The following NLK variants were observed in gnomAD, a reference collection of about 807,000 sequenced individuals.
The protein encoded by NLK is serine/threonine-protein kinase NLK.
In NLK, 11 loss-of-function variants were observed where a neutral mutation model predicts 59.0. The observed-to-expected ratio is 0.19, with a 90% CI of 0.12 to 0.31. NLK has a LOEUF of 0.31. Ranked by LOEUF, NLK falls within the 10% of genes least tolerant of loss-of-function variation. The probability of loss-of-function intolerance (pLI) is 1.00; values close to 1 mark genes in which losing one functional copy is unlikely to be tolerated. For missense variants in NLK, 410 were observed against 661.1 expected (o/e 0.62, Z 4.16); for synonymous variants, 235 against 235.9 (o/e 1.00, Z 0.03).
At chr17:28,173,074 A>C (rs1285185099) in intron 7 of NLK, among the ~76,000 whole-genome samples, 4 of 152,234 alleles carry the variant, frequency 2.6e-5, no homozygotes, top group African/African-American at 9.6e-5. Context: ...GTTAGAAAAG[A>C]AGTATGAAGA....
At chr17:28,086,052 G>A (rs1910506917) in intron 1 of NLK, among the ~76,000 whole-genome samples, 1 of 152,150 alleles carries the variant, frequency 6.6e-6, no homozygotes, top group Non-Finnish European at 1.5e-5. Context: ...GACACATGAT[G>A]ACTGAAATTG....
At chr17:28,045,487 T>A (rs1440099015) in intron 1 of NLK, among the ~76,000 whole-genome samples, 1 of 152,354 alleles carries the variant, frequency 6.6e-6, no homozygotes, top group South Asian at 2.1e-4. Flanking sequence ...GCCGTCCTCC[T>A]GTGTTATCAC....
intron 1 of NLK, among the ~76,000 whole-genome samples, chr17:28,077,929 G>A (rs1044084279): frequency 1.6e-4 from 24 of 151,954 alleles, no homozygotes; most frequent in African/African-American, 5.6e-4. Context: ...AGAAAGTTCT[G>A]CTTCTTTCTC....
At chr17:28,157,580 G>A (rs935047591) in intron 3 of NLK, among the ~76,000 whole-genome samples, 12 of 151,896 alleles carry the variant, frequency 7.9e-5, no homozygotes, top group Admixed American at 7.2e-4. Context: ...ACCCTCCTGG[G>A]CCTCCCAAAG....
At chr17:28,109,683 A>G (rs1334615317) in intron 1 of NLK, among the ~76,000 whole-genome samples, 1 of 152,208 alleles carries the variant, frequency 6.6e-6, no homozygotes. Context: ...GTTAATAAAT[A>G]ATAGTTTGTT....
At chr17:28,173,705 C>G (rs1237906887) in intron 7 of NLK, among the ~76,000 whole-genome samples, 1 of 152,156 alleles carries the variant, frequency 6.6e-6, no homozygotes, top group Non-Finnish European at 1.5e-5. Flanking sequence ...CACAGTAAGT[C>G]TTAACCTAGA....
At chr17:28,107,252 GAT>G (rs1905216710) in intron 1 of NLK, among the ~76,000 whole-genome samples, 1 of 151,934 alleles carries the variant, frequency 6.6e-6, no homozygotes, top group Non-Finnish European at 1.5e-5. Context: ...TGGCCAACAT[GAT>G]GAGACCCCCG....
At chr17:28,093,098 G>A (rs1904566204) in intron 1 of NLK, among the ~76,000 whole-genome samples, 1 of 151,964 alleles carries the variant, frequency 6.6e-6, no homozygotes, top group African/African-American at 2.4e-5. Context: ...CGGCCTAGTG[G>A]CTTGTTTTTT....
intron 1 of NLK, among the ~76,000 whole-genome samples, chr17:28,109,355 G>C (rs568041245): frequency 6.6e-6 from 1 of 152,242 alleles, no homozygotes; most frequent in Non-Finnish European, 1.5e-5. Context: ...ATTCTATGGT[G>C]ATGATTTTTG....
At chr17:28,144,105 C>T (rs1007940427) in intron 3 of NLK, among the ~76,000 whole-genome samples, 3 of 151,978 alleles carry the variant, frequency 2.0e-5, no homozygotes, top group South Asian at 2.1e-4. Context: ...GAAAATTGAC[C>T]GCCATCTACA....
intron 7 of NLK, among the ~76,000 whole-genome samples, chr17:28,173,340 G>T (rs1908547498): frequency 6.6e-6 from 1 of 152,098 alleles, no homozygotes; most frequent in Non-Finnish European, 1.5e-5. Context: ...CTGAGTTTTG[G>T]TTTCTTTTGA....
intron 1 of NLK, among the ~76,000 whole-genome samples, chr17:28,057,538 A>G (rs1019625479): frequency 2.0e-5 from 3 of 152,356 alleles, no homozygotes. Flanking sequence ...GCAGTATAGA[A>G]ATATTCCATT....
intron 1 of NLK, among the ~76,000 whole-genome samples, chr17:28,099,336 T>C (rs1904818298): frequency 6.6e-6 from 1 of 152,062 alleles, no homozygotes; most frequent in African/African-American, 2.4e-5. Flanking sequence ...AGTTTTATTT[T>C]GGTAATTATA....
At chr17:28,111,898 T>TA (rs1905523393) in intron 1 of NLK, among the ~76,000 whole-genome samples, 2 of 68,850 alleles carry the variant, frequency 2.9e-5, no homozygotes, top group African/African-American at 1.2e-4. Context: ...GTGTGTGTGG[T>TA]GTGTGTGTGT....
At chr17:28,120,756 C>A (rs1906012648) in intron 1 of NLK, among the ~76,000 whole-genome samples, 1 of 152,160 alleles carries the variant, frequency 6.6e-6, no homozygotes, top group Non-Finnish European at 1.5e-5. Flanking sequence ...TAGAATACAT[C>A]ATTTCAGAGT....
chr17:28,107,442 A>G (rs1905232828), intron 1 of NLK, among the ~76,000 whole-genome samples: 3 of 151,892 alleles, frequency 2.0e-5, no homozygotes, highest in Admixed American at 6.6e-5. Flanking sequence ...CTCAAAAAAA[A>G]AAAAGAAAAG....
At chr17:28,104,347 C>A (rs750887228) in intron 1 of NLK, among the ~76,000 whole-genome samples, 1 of 152,072 alleles carries the variant, frequency 6.6e-6, no homozygotes, top group African/African-American at 2.4e-5. Context: ...ATCCGCCTCC[C>A]GGGTTCAAGC....
chr17:28,074,250 G>A (rs539089537), intron 1 of NLK, among the ~76,000 whole-genome samples: 16 of 152,162 alleles, frequency 1.1e-4, no homozygotes, highest in South Asian at 4.2e-4. Flanking sequence ...ATACACTTGC[G>A]GGATGATCTG....
At chr17:28,111,898 T>TGGG (rs1416762590) in intron 1 of NLK, among the ~76,000 whole-genome samples, 5 of 68,844 alleles carry the variant, frequency 7.3e-5, no homozygotes, top group Non-Finnish European at 8.6e-5. Flanking sequence ...GTGTGTGTGG[T>TGGG]GTGTGTGTGT....
Sources: gnomAD v4.1 joint callset for allele counts (sites outside exome capture counted in the v4.1 genomes callset) on GRCh38, gnomAD v4.1.1 for gene constraint, MANE v1.5 for transcripts, NCBI Gene and HGNC (gene_info 2026-07-23, HGNC 2026-07-21) for gene names.